The following DPYSL2 variants were observed in gnomAD, a reference collection of about 807,000 sequenced individuals.
The protein encoded by DPYSL2 is dihydropyrimidinase like 2.
DPYSL2 carries 13 observed loss-of-function variants against 69.9 expected under a neutral mutation model. The observed-to-expected ratio is 0.19, with a 90% CI of 0.12 to 0.30. The LOEUF (loss-of-function observed/expected upper bound fraction) is 0.30, where lower values mean the gene tolerates loss of function less well. Among genes scored for constraint, DPYSL2 ranks in the 10% least tolerant of loss-of-function variants. The probability of loss-of-function intolerance (pLI) is 1.00; values close to 1 mark genes in which losing one functional copy is unlikely to be tolerated. For missense variants in DPYSL2, 587 were observed against 918.9 expected (o/e 0.64, Z 4.67); for synonymous variants, 326 against 359.1 (o/e 0.91, Z 1.04).
Position 26,562,549 on chromosome 8 carries a change from A to G in DPYSL2, c.355-19420A>G, listed in dbSNP as rs1801090064. ...TGGTCAGATTTTGTTGTTCCCGATT[A>G]GAATGCTTAAATGGTTTCGTTTTAA... On this transcript the variant is annotated intron_variant, in intron 1 of 13. Transcript: ENST00000521913. The surrounding 1 kb of genome is among the most constrained non-coding windows in gnomAD (Gnocchi z 4.9). 6.6e-6 allele frequency among the ~76,000 whole-genome samples: 1 copy of G among 152,204 alleles called. No homozygotes were observed. The highest frequency in any genetic ancestry group is 2.1e-4 in the South Asian group (1 of 4,828).
rs1310171885 is a variant in DPYSL2, at chr8:26,593,426, G to A, written c.628+9443G>A. On this transcript the variant is annotated intron_variant, in intron 3 of 13. Coordinates refer to ENST00000521913, the MANE Select transcript of DPYSL2 (RefSeq NM_001197293.3). This position sits in a 1 kb window ranked among gnomAD's most constrained non-coding sequence, Gnocchi z 5.7. Reference sequence around the variant, plus strand: ...TGATAGTTGGACTTCTGTTGAAACCGAATGAATGTCTGCCAAGATTTTCCG... The same window carrying A: ...TGATAGTTGGACTTCTGTTGAAACCAAATGAATGTCTGCCAAGATTTTCCG... Among the ~76,000 whole-genome samples the A allele has an allele frequency of 1.3e-5, 2 of 152,160 alleles. No homozygotes were observed. The highest frequency in any genetic ancestry group is 2.9e-5 in the Non-Finnish European group (2 of 68,038).
rs1802487774 is a variant in DPYSL2 at position 26,621,819 on chromosome 8, A to G, written c.629-2324A>G. On this transcript the variant is annotated intron_variant, in intron 3 of 13. Transcript: ENST00000521913. The surrounding 1 kb of genome is among the most constrained non-coding windows in gnomAD (Gnocchi z 4.9). ...GTGGGTGAGCAGGTCAGGGATAAAGAGTACCTTGGAGAGATCAACTAGGAC... is the reference window on the plus strand; with the variant it reads ...GTGGGTGAGCAGGTCAGGGATAAAGGGTACCTTGGAGAGATCAACTAGGAC... Among the ~76,000 whole-genome samples, 1 of 152,180 alleles carries G rather than the reference A, an allele frequency of 6.6e-6. No individual in the cohort carries two copies. The highest frequency in any genetic ancestry group is 2.4e-5 in the African/African-American group (1 of 41,446).
rs562456195 is a variant in DPYSL2 at position 26,641,393 on chromosome 8, C to T, written c.1127-2046C>T. Among the ~76,000 whole-genome samples, 71 of 149,398 alleles carry T rather than the reference C, an allele frequency of 4.8e-4. No homozygotes were observed. The highest frequency in any genetic ancestry group is 4.9e-4 in the Non-Finnish European group (33 of 68,024). Reference sequence around the variant, plus strand: ...ACTGTGGCCAGCGGGACCTCCAGGCCTGGCTGGGTCAGGAGAGTTTTGCTT... The same window carrying T: ...ACTGTGGCCAGCGGGACCTCCAGGCTTGGCTGGGTCAGGAGAGTTTTGCTT... On this transcript the variant is annotated intron_variant, in intron 8 of 13. Transcript: ENST00000521913. The surrounding 1 kb of genome is among the most constrained non-coding windows in gnomAD (Gnocchi z 4.1).
At chr8:26,528,374 C>CGT (rs1446602553) in intron 1 of DPYSL2, among the ~76,000 whole-genome samples, 2 of 152,106 alleles carry the variant, frequency 1.3e-5, no homozygotes, top group African/African-American at 4.8e-5. Flanking sequence ...ATGGGCCGGG[C>CGT]GCGGTGGCTC....
At position 26,514,370 on chromosome 8, in the gene DPYSL2, G is replaced by C; in HGVS notation, c.45G>C (p.Glu15Asp). Reference sequence around the variant, plus strand: ...CCGGGAAGGCGGCAGAGGACGAAGAGGTCCCTGCTTTTTTTAAAAACCTGG... The same window carrying C: ...CCGGGAAGGCGGCAGAGGACGAAGACGTCCCTGCTTTTTTTAAAAACCTGG... Reference protein sequence around the residue: ...KQSGKAAEDEEVPAFFKNLGS... With the variant: ...KQSGKAAEDEDVPAFFKNLGS... The change falls in exon 1 of 14, where the codon GAG (glutamate) becomes GAC (aspartate). Residue 15 changes from glutamate (E) to aspartate (D), a missense_variant. Physicochemically the swap from Glu to Asp is conservative, Grantham distance 45 (BLOSUM62 2). Coordinates refer to ENST00000521913, the MANE Select transcript of DPYSL2 (RefSeq NM_001197293.3). This position sits in a 1 kb window ranked among gnomAD's most constrained non-coding sequence, Gnocchi z 8.4. 6.6e-7 allele frequency: 1 copy of C among 1,510,870 alleles called. No homozygotes were observed. 93.6% of individuals were successfully genotyped at this position (1,510,870 alleles called of 1,614,324 possible).
intron 3 of DPYSL2, among the ~76,000 whole-genome samples, chr8:26,599,694 G>A (rs1009183184): frequency 6.6e-6 from 1 of 151,344 alleles, no homozygotes; most frequent in Non-Finnish European, 1.5e-5. Context: ...TCCAGCATGG[G>A]TAATAGAGCA....
intron 3 of DPYSL2, among the ~76,000 whole-genome samples, chr8:26,590,773 G>A (rs1442453712): frequency 6.6e-6 from 1 of 152,252 alleles, no homozygotes; most frequent in African/African-American, 2.4e-5. Flanking sequence ...CTAATGCCTG[G>A]TGCGGTACAG....
rs1437468203 is a variant in DPYSL2 at position 26,657,772 on chromosome 8, T to A, written c.*2066T>A. 1 of 152,640 alleles carries A rather than the reference T, an allele frequency of 6.6e-6. No homozygotes were observed. Among genetic ancestry groups the A allele is most frequent in the East Asian group, 1.9e-4 (1 of 5,202 alleles). The allele number at this position is 152,640 out of a possible 1,614,324, so 9.5% of individuals were successfully genotyped here. A position where few individuals can be genotyped will look rare whatever the true frequency, so the allele number is the denominator to read the frequency against. The stretch of plus-strand genomic sequence containing the variant: ...TTTTTGGTTGTTTTGGTTGTTTTCT[T>A]AAAAAACAAGTTAAAACCTGACGAT... On this transcript the variant is annotated 3_prime_UTR_variant, in exon 14 of 14. Coordinates refer to ENST00000521913, the MANE Select transcript of DPYSL2 (RefSeq NM_001197293.3).
Position 26,653,327 on chromosome 8 carries a change from C to T in DPYSL2, c.1872C>T (p.Ala624=). Residue 624 remains alanine (A), a synonymous_variant, in exon 13 of 14, where the codon GCC becomes GCT. Coordinates refer to ENST00000521913, the MANE Select transcript of DPYSL2 (RefSeq NM_001197293.3). The surrounding 1 kb of genome is among the most constrained non-coding windows in gnomAD (Gnocchi z 5.7). ...AGACAGTCACTCCAGCCTCCTCGGC[C>T]AAGACGTCTCCTGCCAAGCAGCAGG... The part of the protein sequence containing the change: ...TPKTVTPASS[A]KTSPAKQQAP... The T allele has an allele frequency of 6.2e-7, 1 of 1,614,172 alleles. No individual in the cohort carries two copies. The highest frequency in any genetic ancestry group is 8.5e-7 in the Non-Finnish European group (1 of 1,180,038).
rs986389743 is a variant in DPYSL2, at chr8:26,578,551, GTCTA to G, written c.355-3414_355-3411del. On this transcript the variant is annotated intron_variant, in intron 1 of 13. Coordinates refer to ENST00000521913, the MANE Select transcript of DPYSL2 (RefSeq NM_001197293.3). ...AGCCTTAGGTAACGCGCCAGACCCG[GTCTA>G]TCTTTTATTGTCAGTGAGAGATGCT... The G allele has an allele frequency of 3.7e-5, 51 of 1,387,490 alleles. No individual in the cohort carries two copies. In the Admixed American group the frequency reaches 9.1e-4, roughly 25 times the overall value. The allele number at this position is 1,387,490 out of a possible 1,614,324, so 85.9% of individuals were successfully genotyped here. A position where few individuals can be genotyped will look rare whatever the true frequency, so the allele number is the denominator to read the frequency against.
At chr8:26,529,723 C>T (rs1800468941) in intron 1 of DPYSL2, among the ~76,000 whole-genome samples, 1 of 133,382 alleles carries the variant, frequency 7.5e-6, no homozygotes, top group Admixed American at 8.9e-5. Flanking sequence ...TAAATTTTAA[C>T]CGTAATTTTT....
chr8:26,603,166 T>G (rs1802031392), intron 3 of DPYSL2, among the ~76,000 whole-genome samples: 1 of 152,194 alleles, frequency 6.6e-6, no homozygotes, highest in South Asian at 2.1e-4. Flanking sequence ...TTTATTTATT[T>G]GTTTTTATTT....
rs902016878 is a variant in DPYSL2, at chr8:26,585,405, C to T, written c.628+1422C>T. Among the ~76,000 whole-genome samples, 2 of 152,162 alleles carry T rather than the reference C, an allele frequency of 1.3e-5. No homozygotes were observed. Among genetic ancestry groups the T allele is most frequent in the Non-Finnish European group, 2.9e-5 (2 of 68,030 alleles). On this transcript the variant is annotated intron_variant, in intron 3 of 13. Transcript: ENST00000521913. This position sits in a 1 kb window ranked among gnomAD's most constrained non-coding sequence, Gnocchi z 4.0. ...CTCATCCTCTGGCGTTCTCTCTGTCCTGGCCCTCAGGGTCTGAAGCATCAG... is the reference window on the plus strand; with the variant it reads ...CTCATCCTCTGGCGTTCTCTCTGTCTTGGCCCTCAGGGTCTGAAGCATCAG...
At position 26,613,584 on chromosome 8, in the gene DPYSL2, G is replaced by A. The variant is rs145913855; in HGVS notation, c.629-10559G>A. Among the ~76,000 whole-genome samples the A allele has an allele frequency of 8.5e-3, 1,291 of 152,294 alleles. 5 individuals are homozygous for A. The highest frequency in any genetic ancestry group is 0.012 in the Non-Finnish European group (803 of 68,024). On this transcript the variant is annotated intron_variant, in intron 3 of 13. Transcript: ENST00000521913. ...GAGGGTCCTGCTCCTTATATCCATT[G>A]ACCAGTGAGTGATGAGGAAGACTGA...
At chr8:26,543,610 C>T (rs1657096678) in intron 1 of DPYSL2, among the ~76,000 whole-genome samples, 1 of 152,050 alleles carries the variant, frequency 6.6e-6, no homozygotes, top group South Asian at 2.1e-4. Context: ...GCTTCAGCCT[C>T]CCAAGTAGCT....
At chr8:26,556,319 A>AC (rs1800978245) in intron 1 of DPYSL2, among the ~76,000 whole-genome samples, 2 of 35,996 alleles carry the variant, frequency 5.6e-5, no homozygotes, top group Non-Finnish European at 5.3e-5. Flanking sequence ...TATATATACT[A>AC]TATATATAGT....
Position 26,537,412 on chromosome 8 carries a change from A to C in DPYSL2, c.354+22733A>C, listed in dbSNP as rs543739551. ...TTGCTAGTTTTTGTCATATCTACCT[A>C]TAACGTTTGCTATTATTTATCCAAT... On this transcript the variant is annotated intron_variant, in intron 1 of 13. Coordinates refer to ENST00000521913, the MANE Select transcript of DPYSL2 (RefSeq NM_001197293.3). Among the ~76,000 whole-genome samples, 26 of 152,276 alleles carry C rather than the reference A, an allele frequency of 1.7e-4. No homozygotes were observed. In the South Asian group the frequency reaches 5.2e-3, roughly 30 times the overall value.
chr8:26,540,825 A>G (rs1180523135), intron 1 of DPYSL2, among the ~76,000 whole-genome samples: 3 of 151,626 alleles, frequency 2.0e-5, no homozygotes, highest in Non-Finnish European at 4.4e-5. Flanking sequence ...GAATTGCTTG[A>G]ACCCGGGAGG....
chr8:26,654,671 A>G lies in DPYSL2; in HGVS notation c.1943-944A>G, dbSNP rs1375926890. On this transcript the variant is annotated intron_variant, in intron 13 of 13. Coordinates refer to ENST00000521913, the MANE Select transcript of DPYSL2 (RefSeq NM_001197293.3). This position sits in a 1 kb window ranked among gnomAD's most constrained non-coding sequence, Gnocchi z 5.0. ...GCCAGAAGAGGGCTATGTCCTCAGA[A>G]AAGCCACAGCCAATTTGACTAATCA... is the stretch of plus-strand genomic sequence containing the variant. Among the ~76,000 whole-genome samples, 2 of 152,184 alleles carry G rather than the reference A, an allele frequency of 1.3e-5. No individual in the cohort carries two copies. The highest frequency in any genetic ancestry group is 2.9e-5 in the Non-Finnish European group (2 of 68,042).
Sources: allele counts gnomAD v4.1 joint callset (sites outside exome capture counted in the v4.1 genomes callset), GRCh38; gene constraint gnomAD v4.1.1; non-coding constraint Gnocchi (gnomAD v3.1); transcripts MANE v1.5; gene names NCBI Gene and HGNC (gene_info 2026-07-23, HGNC 2026-07-21).